TMEM132B: variants seen among roughly 807,000 people sequenced by gnomAD.
TMEM132B encodes the protein transmembrane protein 132B.
In TMEM132B, 18 loss-of-function variants were observed where a neutral mutation model predicts 90.8. The ratio of observed to expected loss-of-function variants is 0.20; its 90% CI spans 0.14 to 0.29. The LOEUF is 0.29. TMEM132B is among the 10% of genes least tolerant of loss of function. The probability of loss-of-function intolerance (pLI) is 1.00; values close to 1 mark genes in which losing one functional copy is unlikely to be tolerated. For synonymous variants in TMEM132B, 504 were observed against 523.3 expected (o/e 0.96, Z 0.50); for missense variants, 1,096 against 1,326.8 (o/e 0.83, Z 2.70).
intron 1 of TMEM132B, among the ~76,000 whole-genome samples, chr12:125,297,269 C>T (rs556106521): frequency 8.5e-5 from 13 of 152,320 alleles, no homozygotes; most frequent in African/African-American, 2.2e-4. Flanking sequence ...GGCAGGCACA[C>T]GGTGGCACAT....
intron 1 of TMEM132B, among the ~76,000 whole-genome samples, chr12:125,258,338 G>T (rs1211214546): frequency 6.6e-6 from 1 of 152,160 alleles, no homozygotes; most frequent in South Asian, 2.1e-4. Context: ...ACTTGTTTCT[G>T]CTCCACAATG....
At chr12:125,197,508 T>C (rs1872951829) in intron 1 of TMEM132B, among the ~76,000 whole-genome samples, 1 of 152,242 alleles carries the variant, frequency 6.6e-6, no homozygotes, top group African/African-American at 2.4e-5. Flanking sequence ...TTTGGCCCTC[T>C]ACTTGTTTTT....
intron 4 of TMEM132B, among the ~76,000 whole-genome samples, chr12:125,555,557 C>A (rs1314982855): frequency 6.9e-5 from 8 of 115,276 alleles, no homozygotes; most frequent in African/African-American, 1.7e-4. Flanking sequence ...AGATAAAGGG[C>A]CTGTTGTGGG....
At chr12:125,351,528 T>C (rs1877582511) in intron 2 of TMEM132B, among the ~76,000 whole-genome samples, 1 of 152,188 alleles carries the variant, frequency 6.6e-6, no homozygotes, top group Admixed American at 6.5e-5. Context: ...AACATAAGTA[T>C]ATTAAAAGCA....
At chr12:125,396,102 A>C (rs1050919874) in intron 2 of TMEM132B, among the ~76,000 whole-genome samples, 1 of 152,230 alleles carries the variant, frequency 6.6e-6, no homozygotes, top group Non-Finnish European at 1.5e-5. Context: ...GAGTCAGCCC[A>C]GCATGAACTA....
chr12:125,431,134 G>A (rs1417470518), intron 3 of TMEM132B, among the ~76,000 whole-genome samples: 1 of 152,206 alleles, frequency 6.6e-6, no homozygotes, highest in African/African-American at 2.4e-5. Context: ...CATGGGATGA[G>A]CAGCTACTGC....
chr12:125,481,443 G>A (rs1337437830), intron 3 of TMEM132B, among the ~76,000 whole-genome samples: 3 of 152,170 alleles, frequency 2.0e-5, no homozygotes, highest in Non-Finnish European at 4.4e-5. Context: ...AAAATCACAA[G>A]CATTCTTATA....
intron 3 of TMEM132B, among the ~76,000 whole-genome samples, chr12:125,508,908 G>A (rs1186544420): frequency 2.0e-5 from 3 of 151,382 alleles, no homozygotes; most frequent in Admixed American, 6.6e-5. Context: ...CTCAGTCTCC[G>A]GAGTAGCTGG....
At chr12:125,475,145 A>G (rs978500093) in intron 3 of TMEM132B, among the ~76,000 whole-genome samples, 1 of 152,156 alleles carries the variant, frequency 6.6e-6, no homozygotes, top group East Asian at 1.9e-4. Context: ...GAAAATTTGA[A>G]TAAATTAGAA....
At chr12:125,618,087 C>T (rs1886034044) in intron 5 of TMEM132B, among the ~76,000 whole-genome samples, 1 of 152,106 alleles carries the variant, frequency 6.6e-6, no homozygotes, top group South Asian at 2.1e-4. Flanking sequence ...TGCTCCTCTT[C>T]CTTCTTAAAA....
At chr12:125,553,506 G>GA (rs1363605298) in intron 4 of TMEM132B, among the ~76,000 whole-genome samples, 1 of 152,230 alleles carries the variant, frequency 6.6e-6, no homozygotes, top group Non-Finnish European at 1.5e-5. Context: ...GGGCTCAGGG[G>GA]AGGCTCTGAA....
At chr12:125,359,573 C>A (rs940139071) in intron 2 of TMEM132B, among the ~76,000 whole-genome samples, 3 of 152,148 alleles carry the variant, frequency 2.0e-5, no homozygotes, top group Non-Finnish European at 4.4e-5. Context: ...AACTAAAGAC[C>A]ATGAGCTTCC....
chr12:125,408,367 G>C lies in TMEM132B; in HGVS notation c.960-7164G>C, dbSNP rs1220396661. Among the ~76,000 whole-genome samples the C allele has an allele frequency of 6.6e-6, 1 of 152,144 alleles. No individual in the cohort carries two copies. Among genetic ancestry groups the C allele is most frequent in the African/African-American group, 2.4e-5 (1 of 41,424 alleles). On this transcript the variant is annotated intron_variant, in intron 2 of 8. Transcript: ENST00000682704. The surrounding 1 kb of genome is among the most constrained non-coding windows in gnomAD (Gnocchi z 5.9). ...TATTAGGAGGTGGGGCCTTTTGGGA[G>C]ATTAGGTCATCTCCCTAAAGGAATG...
chr12:125,639,254 C>T (rs544539489), intron 5 of TMEM132B, among the ~76,000 whole-genome samples: 1 of 152,208 alleles, frequency 6.6e-6, no homozygotes, highest in Non-Finnish European at 1.5e-5. Context: ...TCCAAGGCCT[C>T]ACATTTATCA....
intron 1 of TMEM132B, among the ~76,000 whole-genome samples, chr12:125,214,502 C>T (rs760484809): frequency 2.6e-5 from 4 of 152,150 alleles, no homozygotes; most frequent in East Asian, 1.9e-4. Flanking sequence ...CATTGTGACT[C>T]GGGCCAAGCC....
intron 3 of TMEM132B, among the ~76,000 whole-genome samples, chr12:125,455,457 T>C (rs1881267978): frequency 6.6e-6 from 1 of 152,108 alleles, no homozygotes; most frequent in Non-Finnish European, 1.5e-5. Context: ...CCTAAAGAGC[T>C]CGAGAGAAAT....
At chr12:125,303,903 G>A (rs1228904633) in intron 1 of TMEM132B, among the ~76,000 whole-genome samples, 3 of 152,186 alleles carry the variant, frequency 2.0e-5, no homozygotes, top group Non-Finnish European at 2.9e-5. Flanking sequence ...ATAGGAATTT[G>A]AAGATATTTT....
At chr12:125,187,500 C>T (rs1957767018) in intron 1 of TMEM132B, among the ~76,000 whole-genome samples, 1 of 152,212 alleles carries the variant, frequency 6.6e-6, no homozygotes, top group Non-Finnish European at 1.5e-5. Flanking sequence ...CGCCCTGACC[C>T]CAAGGCGGGC....
At chr12:125,566,835 C>CTTTTTTTTT (rs869196346) in intron 4 of TMEM132B, among the ~76,000 whole-genome samples, 1 of 78,738 alleles carries the variant, frequency 1.3e-5, no homozygotes. Context: ...TCTTCTTCTT[C>CTTTTTTTTT]TTTTTTTTTT....
Sources: gnomAD v4.1 joint callset for allele counts (sites outside exome capture counted in the v4.1 genomes callset) on GRCh38, gnomAD v4.1.1 for gene constraint, Gnocchi (gnomAD v3.1) non-coding constraint, MANE v1.5 for transcripts, NCBI Gene and HGNC (gene_info 2026-07-23, HGNC 2026-07-21) for gene names.